QRFPR: variants seen among roughly 807,000 people sequenced by gnomAD.
The protein encoded by QRFPR is pyroglutamylated RF-amide peptide receptor.
In QRFPR, 37 loss-of-function variants were observed where a neutral mutation model predicts 31.3. The ratio of observed to expected loss-of-function variants is 1.18; its 90% CI spans 0.91 to 1.56. The LOEUF (loss-of-function observed/expected upper bound fraction) is 1.56. Ranked by LOEUF, QRFPR falls within the 40% of genes most tolerant of loss-of-function variation. QRFPR has a pLI of 0.00. For synonymous variants in QRFPR, 197 were observed against 192.0 expected (o/e 1.03, Z -0.22); for missense variants, 542 against 532.5 (o/e 1.02, Z -0.18).
At chr4:121,361,528 T>C (rs1275037573) in intron 1 of QRFPR, among the ~76,000 whole-genome samples, 3 of 149,946 alleles carry the variant, frequency 2.0e-5, no homozygotes. Flanking sequence ...AACACAGCAA[T>C]GATATATTTT....
At chr4:121,357,577 C>T (rs691209) in intron 1 of QRFPR, among the ~76,000 whole-genome samples, 9,069 of 152,214 alleles carry the variant, frequency 0.06, 364 homozygotes, top group Non-Finnish European at 0.094. Flanking sequence ...AATTCTAAGA[C>T]GTAGCGCCAG....
chr4:121,348,734 T>C (rs1274192525), intron 1 of QRFPR, among the ~76,000 whole-genome samples: 1 of 152,224 alleles, frequency 6.6e-6, no homozygotes, highest in Non-Finnish European at 1.5e-5. Context: ...CCTTACTTTA[T>C]TGACTTTTAG....
At chr4:121,330,316 G>A (rs762057443) in intron 5 of QRFPR, 110 bp downstream of exon 5, 6 of 721,566 alleles carry the variant, frequency 8.3e-6, no homozygotes, top group Admixed American at 2.4e-5. Flanking sequence ...TATATGAAAT[G>A]TTAGGTATTT....
chr4:121,331,476 AC>A (rs748561653), intron 4 of QRFPR, among the ~76,000 whole-genome samples: 8 of 150,848 alleles, frequency 5.3e-5, no homozygotes, highest in Non-Finnish European at 1.2e-4. Context: ...GAGCCACCAC[AC>A]CCGGCCTGAT....
chr4:121,340,758 GA>G, intron 1 of QRFPR, 148 bp from the exon 2 acceptor site: 1 of 679,776 alleles, frequency 1.5e-6, no homozygotes, highest in Non-Finnish European at 2.4e-6. Flanking sequence ...CAAAATAATT[GA>G]AAAACATTGC....
chr4:121,372,998 T>A (rs72668980), intron 1 of QRFPR, among the ~76,000 whole-genome samples: 29 of 152,292 alleles, frequency 1.9e-4, no homozygotes, highest in Non-Finnish European at 3.8e-4. Context: ...AAGACCTTAA[T>A]CCAGTTATGC....
intron 1 of QRFPR, among the ~76,000 whole-genome samples, chr4:121,362,648 T>C (rs1358780158): frequency 6.7e-6 from 1 of 150,026 alleles, no homozygotes; most frequent in Admixed American, 6.6e-5. Context: ...TAGAATAGAA[T>C]AGAGAGCTCA....
At chr4:121,350,783 C>T (rs985415796) in intron 1 of QRFPR, among the ~76,000 whole-genome samples, 4 of 151,978 alleles carry the variant, frequency 2.6e-5, no homozygotes, top group Admixed American at 2.6e-4. Context: ...GCTAAAAGGT[C>T]GCTGTTGAGT....
intron 2 of QRFPR, 145 bp downstream of exon 2, chr4:121,340,307 A>G (rs1357572774): frequency 1.1e-5 from 9 of 845,422 alleles, no homozygotes; most frequent in South Asian, 1.6e-5. Flanking sequence ...ATGAAGGCAA[A>G]CAGGGAAAGC....
chr4:121,340,568 G>A lies in QRFPR; in HGVS notation c.383C>T (p.Ala128Val). ...CATAGTGAGGATTTCTGTCACAACA[G>A]CGGTAGACTGGACAAATGGCACCAT... ...CKMVPFVQSTAVVTEILTMTC... is the reference protein window; with the variant it reads ...CKMVPFVQSTVVVTEILTMTC... Residue 128 changes from alanine to valine, a missense_variant, in exon 2 of 6, where the codon GCT becomes GTT. Physicochemically the swap from Ala to Val is moderately conservative, Grantham distance 64 (BLOSUM62 0). Transcript: ENST00000394427. 2 of 1,614,030 alleles carry A rather than the reference G, an allele frequency of 1.2e-6. No homozygotes were observed. The highest frequency in any genetic ancestry group is 1.7e-6 in the Non-Finnish European group (2 of 1,179,948).
In QRFPR at chr4:121,340,523, C is replaced by T. The variant is rs1725522536; in HGVS notation, c.428G>A (p.Arg143Lys). The T allele has an allele frequency of 1.9e-6, 3 of 1,613,924 alleles. No homozygotes were observed. The highest frequency in any genetic ancestry group is 2.5e-6 in the Non-Finnish European group (3 of 1,179,972). Residue 143 changes from arginine (R) to lysine (K), a missense_variant, in exon 2 of 6, where the codon AGG (arginine) becomes AAG (lysine). Transcript: ENST00000394427. ...AAAAGGATGCACAAGTCCCTGGTGC[C>T]TTTCCACAGCAATGCAGGTCATAGT... Reference protein sequence around the residue: ...ILTMTCIAVERHQGLVHPFKM... With the variant: ...ILTMTCIAVEKHQGLVHPFKM...
intron 1 of QRFPR, among the ~76,000 whole-genome samples, chr4:121,359,494 C>T (rs754477271): frequency 2.0e-5 from 3 of 152,082 alleles, no homozygotes; most frequent in Non-Finnish European, 4.4e-5. Flanking sequence ...ATGCTGGAAG[C>T]TTCCTGCCTT....
intron 1 of QRFPR, among the ~76,000 whole-genome samples, chr4:121,377,468 T>A (rs1726378733): frequency 6.6e-6 from 1 of 151,940 alleles, no homozygotes. Context: ...TTCCTGCCAT[T>A]CCCCACATAT....
At chr4:121,329,761 T>G in intron 5 of QRFPR, 47 bp from the exon 6 acceptor site, 3 of 1,307,638 alleles carry the variant, frequency 2.3e-6, no homozygotes, top group Non-Finnish European at 3.1e-6. Context: ...TTAAGGAGTA[T>G]AAAATAAAAC....
At chr4:121,345,975 G>A (rs988309204) in intron 1 of QRFPR, among the ~76,000 whole-genome samples, 10 of 152,180 alleles carry the variant, frequency 6.6e-5, no homozygotes, top group African/African-American at 1.9e-4. Flanking sequence ...GTCTTTAACC[G>A]TAGAGAAGAT....
At chr4:121,337,795 C>T (rs35623795) in intron 2 of QRFPR, among the ~76,000 whole-genome samples, 26,703 of 151,968 alleles carry the variant, frequency 0.18, 2,684 homozygotes, top group Non-Finnish European at 0.23. Context: ...CTGTCTTCCA[C>T]GAACTTGTTG....
intron 1 of QRFPR, among the ~76,000 whole-genome samples, chr4:121,370,887 T>G (rs1370954130): frequency 3.3e-5 from 5 of 152,216 alleles, no homozygotes; most frequent in Non-Finnish European, 5.9e-5. Flanking sequence ...CTAAAACCTG[T>G]ATCTTTGTCA....
At chr4:121,364,887 T>G (rs1726061102) in intron 1 of QRFPR, among the ~76,000 whole-genome samples, 1 of 149,118 alleles carries the variant, frequency 6.7e-6, no homozygotes, top group South Asian at 2.1e-4. Flanking sequence ...TAAAAAGCAA[T>G]TCGATTTAAT....
intron 2 of QRFPR, chr4:121,340,155 GT>G (rs1394004791): frequency 3.4e-6 from 1 of 291,276 alleles, no homozygotes; most frequent in African/African-American, 2.2e-5. Context: ...TCTAATGAGT[GT>G]TAATGTGGCA....
Sources: allele counts gnomAD v4.1 joint callset (sites outside exome capture counted in the v4.1 genomes callset), GRCh38; gene constraint gnomAD v4.1.1; transcripts MANE v1.5; gene names NCBI Gene and HGNC (gene_info 2026-07-23, HGNC 2026-07-21).